The following SLC4A4 variants were observed in gnomAD, a reference collection of about 807,000 sequenced individuals.
The protein encoded by SLC4A4 is solute carrier family 4 member 4, also known as electrogenic sodium bicarbonate cotransporter 1.
A neutral mutation model predicts 111.5 loss-of-function variants in SLC4A4; 27 were observed. The ratio of observed to expected loss-of-function variants is 0.24; its 90% CI spans 0.18 to 0.33. SLC4A4 has a LOEUF of 0.33. Among genes scored for constraint, SLC4A4 ranks in the 10% least tolerant of loss-of-function variants. The pLI, the probability that SLC4A4 is intolerant of heterozygous loss-of-function variation, is 1.00. For synonymous variants in SLC4A4, 443 were observed against 463.4 expected, an observed-to-expected ratio of 0.96 and a Z score of 0.57; for missense variants, 909 against 1,315.5, an observed-to-expected ratio of 0.69 and a Z score of 4.78.
intron 16 of SLC4A4, among the ~76,000 whole-genome samples, chr4:71,522,271 GAAT>G (rs1733011218): frequency 6.6e-6 from 1 of 152,146 alleles, no homozygotes; most frequent in Non-Finnish European, 1.5e-5. Flanking sequence ...CTTCCATTAG[GAAT>G]ATCACAGCAT....
At chr4:71,139,656 T>A (rs1433635244) in intron 2 of SLC4A4, among the ~76,000 whole-genome samples, 1 of 152,236 alleles carries the variant, frequency 6.6e-6, no homozygotes, top group Non-Finnish European at 1.5e-5. Context: ...TAGTTTGCTC[T>A]GGCCATTCAC....
At chr4:71,387,450 T>C (rs1172268890) in intron 6 of SLC4A4, among the ~76,000 whole-genome samples, 1 of 152,142 alleles carries the variant, frequency 6.6e-6, no homozygotes, top group Non-Finnish European at 1.5e-5. Context: ...TACTATGTCA[T>C]ATACTAAGTT....
At chr4:71,481,762 C>A (rs1234074687) in intron 14 of SLC4A4, among the ~76,000 whole-genome samples, 5 of 151,678 alleles carry the variant, frequency 3.3e-5, no homozygotes, top group African/African-American at 1.2e-4. Flanking sequence ...TATTCATTCC[C>A]TCATTCCAGA....
chr4:71,536,485 T>TATATATATATATAAAA (rs760037325), intron 18 of SLC4A4, among the ~76,000 whole-genome samples: 1 of 84,024 alleles, frequency 1.2e-5, no homozygotes, highest in Non-Finnish European at 2.2e-5. Context: ...TATATATATA[T>TATATATATATATAAAA]ATGTATATAT....
At chr4:71,115,959 A>C (rs1258518947) in intron 2 of SLC4A4, among the ~76,000 whole-genome samples, 1 of 152,190 alleles carries the variant, frequency 6.6e-6, no homozygotes, top group East Asian at 1.9e-4. Context: ...CAGTGGCACG[A>C]TCTCGGCTCA....
intron 24 of SLC4A4, among the ~76,000 whole-genome samples, chr4:71,564,448 T>G (rs761152111): frequency 6.6e-6 from 1 of 151,938 alleles, no homozygotes; most frequent in Non-Finnish European, 1.5e-5. Context: ...CCTTTTGCTA[T>G]TTCAAAATTA....
chr4:71,156,585 C>CGT lies in SLC4A4; in HGVS notation c.-2+63794_-2+63795insTG, dbSNP rs1744476737. Among the ~76,000 whole-genome samples, 10 of 113,964 alleles carry CGT rather than the reference C, an allele frequency of 8.8e-5. No individual in the cohort carries two copies. In the South Asian group the frequency reaches 1.9e-3, roughly 22 times the overall value. The allele number at this position is 113,964 out of a possible 152,430, so 74.8% of individuals were successfully genotyped here. A position where few individuals can be genotyped will look rare whatever the true frequency, so the allele number is the denominator to read the frequency against. Reference sequence around the variant, plus strand: ...GTGTGTGCGCGCATGCGCGCGCGCGCGCGCACACACACACACACACACACA... The same window carrying CGT: ...GTGTGTGCGCGCATGCGCGCGCGCGCGTGCGCACACACACACACACACACACA... On this transcript the variant is annotated intron_variant, in intron 2 of 26. Transcript: ENST00000649996.
chr4:71,428,513 C>T (rs1383629296), intron 7 of SLC4A4, among the ~76,000 whole-genome samples: 4 of 151,964 alleles, frequency 2.6e-5, no homozygotes, highest in Admixed American at 6.6e-5. Flanking sequence ...CAGATACCTT[C>T]TGCAATGGAA....
At chr4:71,214,686 A>G (rs910733094) in intron 1 of SLC4A4, among the ~76,000 whole-genome samples, 17 of 152,216 alleles carry the variant, frequency 1.1e-4, no homozygotes, top group African/African-American at 4.1e-4. Flanking sequence ...TTTATTTACT[A>G]ATGTTTCTGA....
intron 3 of SLC4A4, among the ~76,000 whole-genome samples, chr4:71,256,512 A>G (rs1560819698): frequency 6.6e-6 from 1 of 152,184 alleles, no homozygotes; most frequent in African/African-American, 2.4e-5. Context: ...AATTAAAGAC[A>G]GAAGCTTGGA....
intron 21 of SLC4A4, among the ~76,000 whole-genome samples, chr4:71,556,778 C>T (rs1163412751): frequency 6.6e-6 from 1 of 151,754 alleles, no homozygotes; most frequent in African/African-American, 2.4e-5. Context: ...AAAAGAAAAC[C>T]CTTTAAGTAG....
chr4:71,547,502 T>G (rs1435529255), intron 19 of SLC4A4, 146 bp from the exon 20 acceptor site: 3 of 718,870 alleles, frequency 4.2e-6, no homozygotes, highest in Non-Finnish European at 7.7e-6. Context: ...ACGCTATCCT[T>G]GAGGTATTAT....
chr4:71,112,652 C>A (rs1391611601), intron 2 of SLC4A4, among the ~76,000 whole-genome samples: 1 of 152,190 alleles, frequency 6.6e-6, no homozygotes, highest in African/African-American at 2.4e-5. Context: ...CCCAAACAAG[C>A]AGACTGACCT....
intron 15 of SLC4A4, among the ~76,000 whole-genome samples, chr4:71,494,664 A>G (rs1363539075): frequency 1.3e-5 from 2 of 151,976 alleles, no homozygotes; most frequent in Admixed American, 1.3e-4. Flanking sequence ...TATGTATAGA[A>G]TTTTGCATAG....
intron 3 of SLC4A4, chr4:71,301,326 T>C (rs949721784): frequency 1.7e-5 from 4 of 232,300 alleles, no homozygotes; most frequent in Non-Finnish European, 3.4e-5. Flanking sequence ...ATACTGAGGA[T>C]CAGAGTCATC....
chr4:71,316,344 C>G (rs1488827114), intron 3 of SLC4A4, among the ~76,000 whole-genome samples: 1 of 152,006 alleles, frequency 6.6e-6, no homozygotes, highest in Non-Finnish European at 1.5e-5. Context: ...ACAAATAACT[C>G]TATCTGCAAG....
chr4:71,096,506 G>A (rs963181559), intron 2 of SLC4A4, among the ~76,000 whole-genome samples: 2 of 152,012 alleles, frequency 1.3e-5, no homozygotes, highest in Non-Finnish European at 2.9e-5. Flanking sequence ...ATTTAAAAAG[G>A]TGCCAAAAAA....
intron 12 of SLC4A4, among the ~76,000 whole-genome samples, chr4:71,457,195 A>G (rs1415845310): frequency 6.6e-6 from 1 of 152,168 alleles, no homozygotes; most frequent in Non-Finnish European, 1.5e-5. Context: ...ATATATACAC[A>G]TATATAATTA....
intron 19 of SLC4A4, 94 bp from the exon 20 acceptor site, chr4:71,547,554 A>AT: frequency 3.0e-6 from 3 of 1,000,928 alleles, no homozygotes; most frequent in South Asian, 2.5e-5. Context: ...CCAAACATTG[A>AT]TTTTGTCAAT....
Sources: gnomAD v4.1 joint callset for allele counts (sites outside exome capture counted in the v4.1 genomes callset) on GRCh38, gnomAD v4.1.1 for gene constraint, MANE v1.5 for transcripts, NCBI Gene and HGNC (gene_info 2026-07-23, HGNC 2026-07-21) for gene names.